Variants in TRIM67 observed in about 807,000 individuals in gnomAD.
The protein encoded by TRIM67 is tripartite motif containing 67, also known as tripartite motif-containing protein 67.
In TRIM67, 39 loss-of-function variants were observed where a neutral mutation model predicts 71.0. The ratio of observed to expected loss-of-function variants is 0.55; its 90% CI spans 0.43 to 0.72. The LOEUF (loss-of-function observed/expected upper bound fraction) is 0.72, where lower values mean the gene tolerates loss of function less well. TRIM67 is among the 30% of genes least tolerant of loss of function. The pLI, the probability that TRIM67 is intolerant of heterozygous loss-of-function variation, is 0.00. For synonymous variants in TRIM67, 481 were observed against 473.9 expected, an observed-to-expected ratio of 1.01 and a Z score of -0.19; for missense variants, 973 against 1,079.2, an observed-to-expected ratio of 0.90 and a Z score of 1.38.
chr1:231,207,801 G>C (rs1482555085), intron 7 of TRIM67, among the ~76,000 whole-genome samples: 1 of 152,116 alleles, frequency 6.6e-6, no homozygotes, highest in African/African-American at 2.4e-5. Flanking sequence ...AGAGATGAGC[G>C]GTCCTTGCCC....
chr1:231,215,294 C>A (rs1361455605), intron 9 of TRIM67, 81 bp from the exon 10 acceptor site: 12 of 1,527,274 alleles, frequency 7.9e-6, no homozygotes, highest in Non-Finnish European at 1.1e-5. Flanking sequence ...GGGATCCTGC[C>A]GGTGTCTGCG....
intron 1 of TRIM67, among the ~76,000 whole-genome samples, chr1:231,181,328 C>T (rs1682900227): frequency 6.6e-6 from 1 of 152,220 alleles, no homozygotes; most frequent in African/African-American, 2.4e-5. Flanking sequence ...TATGAGTCTA[C>T]TATGCCTCAA....
intron 8 of TRIM67, among the ~76,000 whole-genome samples, chr1:231,210,405 G>T (rs1467998267): frequency 6.6e-6 from 1 of 151,794 alleles, no homozygotes; most frequent in Non-Finnish European, 1.5e-5. Flanking sequence ...CTTGCCTGAG[G>T]GCCCTCAGGA....
At chr1:231,190,369 G>A (rs529661027) in intron 1 of TRIM67, among the ~76,000 whole-genome samples, 1 of 152,126 alleles carries the variant, frequency 6.6e-6, no homozygotes, top group Non-Finnish European at 1.5e-5. Context: ...CTGGCTTAGC[G>A]ACACAAACAC....
chr1:231,216,822 A>G lies in TRIM67; in HGVS notation c.*1382A>G, dbSNP rs1253228820. The G allele has an allele frequency of 3.0e-6, 3 of 985,446 alleles. No homozygotes were observed. The highest frequency in any genetic ancestry group is 3.5e-5 in the African/African-American group (2 of 57,254). 61.0% of individuals were successfully genotyped at this position (985,446 alleles called of 1,614,324 possible). ...TCATGGCAGGGGTTTTGAGCCTGCC[A>G]GGCTCTTGTTCCCAGGGAACCCTTC... On this transcript the variant is annotated 3_prime_UTR_variant, in exon 10 of 10. Coordinates refer to ENST00000366653, the MANE Select transcript of TRIM67 (RefSeq NM_001004342.5).
chr1:231,192,152 T>A (rs1186489093), intron 1 of TRIM67, among the ~76,000 whole-genome samples: 1 of 152,028 alleles, frequency 6.6e-6, no homozygotes. Context: ...CCAGCCTGAG[T>A]GGCAGAGAAA....
In TRIM67 at chr1:231,217,851, A is replaced by T. The variant is rs576657196; in HGVS notation, c.*2411A>T. 17 of 1,289,680 alleles carry T rather than the reference A, an allele frequency of 1.3e-5. No individual in the cohort carries two copies. The African/African-American group carries it at 2.1e-4, about 16-fold the overall frequency. 79.9% of individuals were successfully genotyped at this position (1,289,680 alleles called of 1,614,324 possible). On this transcript the variant is annotated 3_prime_UTR_variant, in exon 10 of 10. Coordinates refer to ENST00000366653, the MANE Select transcript of TRIM67 (RefSeq NM_001004342.5). Reference sequence around the variant, plus strand: ...AGAGAAGTGGAAAGTGCAGGAGGGTAATGCCCTCAAATCCGGTGGCCTCTT... The same window carrying T: ...AGAGAAGTGGAAAGTGCAGGAGGGTTATGCCCTCAAATCCGGTGGCCTCTT...
rs1219816059 is a variant in TRIM67, at chr1:231,219,663, A to G, written c.*4223A>G. On this transcript the variant is annotated 3_prime_UTR_variant, in exon 10 of 10. Transcript: ENST00000366653. Reference sequence around the variant, plus strand: ...CCTTGGCCACATTTTACTGGAAGCAACAGGAACTTCTTAATGGGTTTGTGG... The same window carrying G: ...CCTTGGCCACATTTTACTGGAAGCAGCAGGAACTTCTTAATGGGTTTGTGG... 1.7e-6 allele frequency: 2 copies of G among 1,161,214 alleles called. No individual in the cohort carries two copies. The highest frequency in any genetic ancestry group is 1.6e-5 in the African/African-American group (1 of 61,654). The allele number at this position is 1,161,214 out of a possible 1,614,324, so 71.9% of individuals were successfully genotyped here.
At chr1:231,200,042 C>T (rs150774887) in intron 3 of TRIM67, 106 bp from the exon 4 acceptor site, 50 of 798,988 alleles carry the variant, frequency 6.3e-5, no homozygotes, top group African/African-American at 5.0e-4. Context: ...TCCAGGCCAG[C>T]GCCGCCTCTT....
intron 1 of TRIM67, among the ~76,000 whole-genome samples, chr1:231,186,980 G>A (rs568055270): frequency 1.3e-5 from 2 of 152,142 alleles, no homozygotes; most frequent in African/African-American, 2.4e-5. Context: ...CGACATCCAC[G>A]GCTGCCTCAT....
intron 8 of TRIM67, among the ~76,000 whole-genome samples, chr1:231,212,663 C>T (rs982396220): frequency 4.6e-5 from 7 of 151,934 alleles, no homozygotes; most frequent in African/African-American, 7.2e-5. Context: ...TTCCAGGCAA[C>T]GGTGAGCCAT....
Position 231,217,037 on chromosome 1 carries a change from C to T in TRIM67, c.*1597C>T, listed in dbSNP as rs1684030478. On this transcript the variant is annotated 3_prime_UTR_variant, in exon 10 of 10. Transcript: ENST00000366653. Reference sequence around the variant, plus strand: ...CCATTCACCAGCACCAACTGTGCGTCCTTGGTTCTGCCTTCCTGTTCAGAC... The same window carrying T: ...CCATTCACCAGCACCAACTGTGCGTTCTTGGTTCTGCCTTCCTGTTCAGAC... 1 of 985,914 alleles carries T rather than the reference C, an allele frequency of 1.0e-6. No homozygotes were observed. Among genetic ancestry groups the T allele is most frequent in the Non-Finnish European group, 1.2e-6 (1 of 829,950 alleles). 61.1% of individuals were successfully genotyped at this position (985,914 alleles called of 1,614,324 possible).
intron 1 of TRIM67, among the ~76,000 whole-genome samples, chr1:231,181,548 C>T (rs1682908326): frequency 6.6e-6 from 1 of 152,214 alleles, no homozygotes; most frequent in Non-Finnish European, 1.5e-5. Flanking sequence ...TTTCCTCTCT[C>T]TTCTGAGCCT....
rs1683396283 is a variant in TRIM67 at position 231,197,457 on chromosome 1, G to A, written c.1131G>A (p.Gln377=). The part of the protein sequence containing the change: ...EFLVQLKNIL[Q]QIQENGLDYE... ...TGGTTCAGCTAAAGAACATATTGCA[G>A]CAGATCCAGGTGAGCACAGCTCTGG... The change falls in exon 2 of 10, where the codon CAG becomes CAA. Residue 377 remains glutamine, a synonymous_variant. Transcript: ENST00000366653. 1.2e-6 allele frequency: 2 copies of A among 1,613,886 alleles called. No homozygotes were observed. Among genetic ancestry groups the A allele is most frequent in the African/African-American group, 2.7e-5 (2 of 75,050 alleles).
chr1:231,167,544 G>A (rs540086523), intron 1 of TRIM67, among the ~76,000 whole-genome samples: 7 of 135,990 alleles, frequency 5.1e-5, no homozygotes, highest in Non-Finnish European at 9.1e-5. Flanking sequence ...GGATGGTCTC[G>A]ATCTCCTGAC....
At chr1:231,205,051 C>G (rs2102755986) in intron 6 of TRIM67, among the ~76,000 whole-genome samples, 1 of 152,262 alleles carries the variant, frequency 6.6e-6, no homozygotes, top group East Asian at 1.9e-4. Flanking sequence ...ACTGAAAGAG[C>G]TCGTCCACCC....
chr1:231,210,959 A>T (rs926698223), intron 8 of TRIM67, among the ~76,000 whole-genome samples: 1 of 143,622 alleles, frequency 7.0e-6, no homozygotes, highest in South Asian at 2.2e-4. Flanking sequence ...AGGCAGGAGG[A>T]TCGCTTGTGC....
At position 231,162,888 on chromosome 1, in the gene TRIM67, C is replaced by T. The variant is rs1270600986; in HGVS notation, c.-82C>T. ...CCGCCCGTCGTCTCACCGGGGCGCA[C>T]CGCGCTGGTCCTCCTCCGCCAGTCT... On this transcript the variant is annotated 5_prime_UTR_variant, in exon 1 of 10. Coordinates refer to ENST00000366653, the MANE Select transcript of TRIM67 (RefSeq NM_001004342.5). 1.3e-6 allele frequency: 2 copies of T among 1,528,992 alleles called. No individual in the cohort carries two copies. Among genetic ancestry groups the T allele is most frequent in the East Asian group, 4.9e-5 (2 of 41,152 alleles). The allele number at this position is 1,528,992 out of a possible 1,614,324, so 94.7% of individuals were successfully genotyped here. A position where few individuals can be genotyped will look rare whatever the true frequency, so the allele number is the denominator to read the frequency against.
intron 1 of TRIM67, among the ~76,000 whole-genome samples, chr1:231,169,993 C>CTTTTTTTTTT (rs369558747): frequency 7.3e-6 from 1 of 136,136 alleles, no homozygotes; most frequent in Non-Finnish European, 1.5e-5. Context: ...TTCTTTCTCT[C>CTTTTTTTTTT]TTTTTTTTTT....
Sources: gnomAD v4.1 joint callset for allele counts (sites outside exome capture counted in the v4.1 genomes callset) on GRCh38, gnomAD v4.1.1 for gene constraint, MANE v1.5 for transcripts, NCBI Gene and HGNC (gene_info 2026-07-23, HGNC 2026-07-21) for gene names.